Variants in GABPB2 observed in about 807,000 individuals in gnomAD.
The protein encoded by GABPB2 is GA-binding protein subunit beta-2.
A neutral mutation model predicts 39.1 loss-of-function variants in GABPB2; 23 were observed. The ratio of observed to expected loss-of-function variants is 0.59; its 90% CI spans 0.42 to 0.83. The LOEUF is 0.83. Among genes scored for constraint, GABPB2 ranks in the 40% least tolerant of loss-of-function variants. The pLI is 0.00. For missense variants in GABPB2, 467 were observed against 541.1 expected (o/e 0.86, Z 1.36); for synonymous variants, 184 against 199.3 (o/e 0.92, Z 0.65).
intron 1 of GABPB2, among the ~76,000 whole-genome samples, chr1:151,074,591 T>C (rs1677012305): frequency 6.6e-6 from 1 of 151,806 alleles, no homozygotes; most frequent in Non-Finnish European, 1.5e-5. Flanking sequence ...AGTGCTGGGA[T>C]TACAGGCGTG....
At chr1:151,116,873 A>G (rs587688630) in intron 7 of GABPB2, among the ~76,000 whole-genome samples, 1 of 152,068 alleles carries the variant, frequency 6.6e-6, no homozygotes, top group African/African-American at 2.4e-5. Context: ...GCCTCCCAAC[A>G]TGCTAGAATT....
chr1:151,085,240 T>TA (rs1388217529), intron 1 of GABPB2, among the ~76,000 whole-genome samples: 2 of 138,152 alleles, frequency 1.4e-5, no homozygotes, highest in Non-Finnish European at 3.2e-5. Flanking sequence ...CTACTAAAAA[T>TA]AAAAAAATTA....
chr1:151,115,861 G>A (rs1680825803), intron 7 of GABPB2, among the ~76,000 whole-genome samples: 1 of 152,132 alleles, frequency 6.6e-6, no homozygotes, highest in Admixed American at 6.6e-5. Flanking sequence ...CCAGTACTTT[G>A]GGAGGCCAAG....
At chr1:151,100,143 CTT>C (rs587754459) in intron 5 of GABPB2, among the ~76,000 whole-genome samples, 49 of 138,802 alleles carry the variant, frequency 3.5e-4, no homozygotes, top group African/African-American at 6.1e-4. Flanking sequence ...ATTAAAACAA[CTT>C]TTTTTTTTTT....
chr1:151,116,793 C>T (rs946030062), intron 7 of GABPB2, among the ~76,000 whole-genome samples: 3 of 151,768 alleles, frequency 2.0e-5, no homozygotes, highest in South Asian at 2.1e-4. Context: ...ATTTTTTTTG[C>T]GGAGACAGTG....
At chr1:151,083,357 C>T (rs587750600) in intron 1 of GABPB2, among the ~76,000 whole-genome samples, 5 of 152,280 alleles carry the variant, frequency 3.3e-5, no homozygotes, top group South Asian at 2.1e-4. Context: ...ATTGGCTGGG[C>T]GCGGTGGCTC....
At chr1:151,111,449 G>A (rs1380750970) in intron 7 of GABPB2, among the ~76,000 whole-genome samples, 3 of 149,534 alleles carry the variant, frequency 2.0e-5, no homozygotes, top group African/African-American at 7.4e-5. Flanking sequence ...TTGAGACAGA[G>A]TCTCGCTCTG....
chr1:151,106,062 A>G (rs587756733), intron 6 of GABPB2, among the ~76,000 whole-genome samples: 73 of 151,824 alleles, frequency 4.8e-4, no homozygotes, highest in African/African-American at 1.6e-3. Context: ...CCCAGGTTCA[A>G]GCAATTCCCC....
At position 151,119,913 on chromosome 1, in the gene GABPB2, T is replaced by G. The variant is rs1681116919; in HGVS notation, c.*1657T>G. 6.8e-6 allele frequency: 1 copy of G among 147,514 alleles called. No homozygotes were observed. Among genetic ancestry groups the G allele is most frequent in the South Asian group, 2.1e-4 (1 of 4,660 alleles). The allele number at this position is 147,514 out of a possible 1,614,324, so 9.1% of individuals were successfully genotyped here. ...TCCAGCCTGGGCAACAGAGCCAGAC[T>G]CTGTCTCAAAAAAAAAAAAAAAGGA... On this transcript the variant is annotated 3_prime_UTR_variant, in exon 9 of 9. Coordinates refer to ENST00000368918, the MANE Select transcript of GABPB2 (RefSeq NM_144618.3).
intron 1 of GABPB2, among the ~76,000 whole-genome samples, chr1:151,086,917 C>T (rs182058960): frequency 2.2e-4 from 34 of 152,216 alleles, no homozygotes; most frequent in African/African-American, 7.7e-4. Flanking sequence ...TGCAGTGGTG[C>T]GATCTCAGCT....
At chr1:151,104,920 C>T (rs1218479446) in intron 6 of GABPB2, among the ~76,000 whole-genome samples, 2 of 150,238 alleles carry the variant, frequency 1.3e-5, no homozygotes, top group East Asian at 3.9e-4. Flanking sequence ...TTCTTTCCTT[C>T]TTGAGACAGA....
chr1:151,087,722 A>G (rs1343880105), intron 1 of GABPB2, among the ~76,000 whole-genome samples: 2 of 152,110 alleles, frequency 1.3e-5, no homozygotes, highest in Non-Finnish European at 2.9e-5. Flanking sequence ...AAGACCTACA[A>G]ACCTCCAGAG....
intron 4 of GABPB2, among the ~76,000 whole-genome samples, chr1:151,097,235 A>G (rs1679160851): frequency 6.6e-6 from 1 of 152,102 alleles, no homozygotes; most frequent in Non-Finnish European, 1.5e-5. Context: ...TTTCAAATGA[A>G]AAAAACAAGA....
chr1:151,079,751 C>G (rs978712590), intron 1 of GABPB2, among the ~76,000 whole-genome samples: 1 of 151,402 alleles, frequency 6.6e-6, no homozygotes, highest in Non-Finnish European at 1.5e-5. Context: ...ACAAAATTAG[C>G]TGGGCATGGT....
chr1:151,101,994 T>C (rs368517976), intron 5 of GABPB2, among the ~76,000 whole-genome samples: 1 of 152,156 alleles, frequency 6.6e-6, no homozygotes. Context: ...CACACAGATA[T>C]AAGAGAAGAA....
At chr1:151,091,017 CA>C (rs1199424181) in intron 3 of GABPB2, among the ~76,000 whole-genome samples, 1 of 143,634 alleles carries the variant, frequency 7.0e-6, no homozygotes, top group African/African-American at 2.7e-5. Flanking sequence ...CAAAACAAAA[CA>C]AAAAAACAAA....
intron 1 of GABPB2, among the ~76,000 whole-genome samples, chr1:151,073,464 CTT>C (rs1676889384): frequency 6.6e-6 from 1 of 152,130 alleles, no homozygotes; most frequent in African/African-American, 2.4e-5. Flanking sequence ...GGCTTCATCT[CTT>C]GTCTGGTTGA....
At chr1:151,092,505 C>T (rs75397186) in intron 3 of GABPB2, among the ~76,000 whole-genome samples, 3,965 of 152,096 alleles carry the variant, frequency 0.026, 77 homozygotes, top group Non-Finnish European at 0.04. Context: ...CTTCCATCCT[C>T]AGCCTTCCAA....
intron 6 of GABPB2, among the ~76,000 whole-genome samples, chr1:151,104,790 T>TTTCC (rs1210392459): frequency 2.7e-4 from 15 of 54,724 alleles, no homozygotes; most frequent in Non-Finnish European, 3.4e-4. Context: ...TCTTTCTTTC[T>TTTCC]TTCTTTCTTT....
Sources: allele counts gnomAD v4.1 joint callset (sites outside exome capture counted in the v4.1 genomes callset), GRCh38; gene constraint gnomAD v4.1.1; transcripts MANE v1.5; gene names NCBI Gene and HGNC (gene_info 2026-07-23, HGNC 2026-07-21).